PRTG: variants seen among roughly 807,000 people sequenced by gnomAD.
PRTG encodes immunoglobulin superfamily, DCC subclass, member 5.
In PRTG, 67 loss-of-function variants were observed where a neutral mutation model predicts 122.5. The observed-to-expected ratio is 0.55, with a 90% CI of 0.45 to 0.67. The LOEUF (loss-of-function observed/expected upper bound fraction) is 0.67. PRTG is among the 30% of genes least tolerant of loss of function. The pLI, the probability that PRTG is intolerant of heterozygous loss-of-function variation, is 0.00. For synonymous variants in PRTG, 554 were observed against 501.1 expected (o/e 1.11, Z -1.41); for missense variants, 1,435 against 1,415.4 (o/e 1.01, Z -0.22).
intron 3 of PRTG, 47 bp from the exon 4 acceptor site, chr15:55,682,544 T>TTTTTTTTTTTTTTTTATTTA (rs375857024): frequency 2.2e-6 from 1 of 457,538 alleles, no homozygotes; most frequent in African/African-American, 2.2e-5. Context: ...AGATTTCATA[T>TTTTTTTTTTTTTTTTATTTA]TTTATTTATT....
chr15:55,656,262 C>T, intron 11 of PRTG: 2 of 444,044 alleles, frequency 4.5e-6, no homozygotes, highest in Admixed American at 2.5e-5. Context: ...TGCTCTTTTC[C>T]TGTCTTCTCC....
At chr15:55,659,533 T>C (rs1358207050) in intron 11 of PRTG, among the ~76,000 whole-genome samples, 1 of 152,214 alleles carries the variant, frequency 6.6e-6, no homozygotes, top group African/African-American at 2.4e-5. Context: ...CAAATGCTTT[T>C]ACCTCATAAC....
At position 55,612,705 on chromosome 15, in the gene PRTG, T is replaced by C. The variant is rs1304301819; in HGVS notation, c.*7307A>G. 1.5e-4 allele frequency: 1 copy of C among 6,730 alleles called. No homozygotes were observed. The highest frequency in any genetic ancestry group is 1.2e-3 in the Non-Finnish European group (1 of 862). The allele number at this position is 6,730 out of a possible 1,614,324, so 0.4% of individuals were successfully genotyped here. A position where few individuals can be genotyped will look rare whatever the true frequency, so the allele number is the denominator to read the frequency against. On this transcript the variant is annotated 3_prime_UTR_variant, in exon 20 of 20. Coordinates refer to ENST00000389286, the MANE Select transcript of PRTG (RefSeq NM_173814.6). The stretch of plus-strand genomic sequence containing the variant: ...TTAACTCTTTAAAAGCCAATATATA[T>C]ATATATATATATATATATATATATA...
chr15:55,714,349 C>T (rs1368460322), intron 2 of PRTG, among the ~76,000 whole-genome samples: 1 of 151,982 alleles, frequency 6.6e-6, no homozygotes, highest in Non-Finnish European at 1.5e-5. Context: ...ATCTCAGTCT[C>T]CCGGGTAGCT....
At chr15:55,682,604 G>A in intron 3 of PRTG, 107 bp from the exon 4 acceptor site, 1 of 450,564 alleles carries the variant, frequency 2.2e-6, no homozygotes, top group Non-Finnish European at 3.1e-6. Context: ...CACTCTTGTT[G>A]CCCCGGCTGG....
chr15:55,678,577 G>GAAAAC (rs761409713), intron 7 of PRTG, among the ~76,000 whole-genome samples: 3 of 152,042 alleles, frequency 2.0e-5, no homozygotes, highest in East Asian at 1.9e-4. Context: ...AAAAGTTACT[G>GAAAAC]AAAACAAAAC....
At chr15:55,714,280 A>C (rs2030515388) in intron 2 of PRTG, among the ~76,000 whole-genome samples, 1 of 149,538 alleles carries the variant, frequency 6.7e-6, no homozygotes, top group Non-Finnish European at 1.5e-5. Flanking sequence ...GCTGGAGTGC[A>C]GTGGTGATAC....
intron 2 of PRTG, among the ~76,000 whole-genome samples, chr15:55,719,632 G>A (rs2030733401): frequency 6.6e-6 from 1 of 152,130 alleles, no homozygotes; most frequent in South Asian, 2.1e-4. Context: ...TCAGGAAAAT[G>A]TAAAAAGGTA....
intron 11 of PRTG, among the ~76,000 whole-genome samples, chr15:55,647,906 G>T (rs1056578692): frequency 1.3e-5 from 2 of 152,180 alleles, no homozygotes; most frequent in Non-Finnish European, 2.9e-5. Flanking sequence ...GCAGACAAAG[G>T]TTCCCAAGTG....
At chr15:55,682,557 T>TTTATTTATTTAATTAA (rs2141816933) in intron 3 of PRTG, 60 bp from the exon 4 acceptor site, 2 of 568,714 alleles carry the variant, frequency 3.5e-6, no homozygotes, top group East Asian at 9.7e-5. Flanking sequence ...TATTTATTTA[T>TTTATTTATTTAATTAA]TTATTTATTT....
Position 55,637,323 on chromosome 15 carries a change from C to G in PRTG, c.2470G>C (p.Val824Leu), listed in dbSNP as rs371729881. The change falls in exon 15 of 20, where the codon GTT becomes CTT. Residue 824 changes from valine (V) to leucine (L), a missense_variant. Transcript: ENST00000389286. ...TLPEAPAGPP[V>L]GVKVTLIEDD... ...TCTATTAATGTCACTTTTACTCCAA[C>G]TGGTGGGCCTGCTGGTGCTGTGCAG... The G allele has an allele frequency of 1.4e-5, 23 of 1,612,108 alleles. No individual in the cohort carries two copies. Among genetic ancestry groups the G allele is most frequent in the Non-Finnish European group, 2.0e-5 (23 of 1,179,346 alleles).
intron 17 of PRTG, among the ~76,000 whole-genome samples, chr15:55,626,101 G>C (rs1313063617): frequency 6.6e-6 from 1 of 152,088 alleles, no homozygotes; most frequent in African/African-American, 2.4e-5. Flanking sequence ...TATTCTTTCT[G>C]TTTCTCAAAA....
At position 55,742,857 on chromosome 15, in the gene PRTG, C is replaced by A. The variant is rs1567124422; in HGVS notation, c.75G>T (p.Leu25=). The change falls in exon 1 of 20, where the codon CTG becomes CTT. Residue 25 remains leucine, a synonymous_variant. Coordinates refer to ENST00000389286, the MANE Select transcript of PRTG (RefSeq NM_173814.6). The part of the protein sequence containing the change: ...GMLLRALLLL[L]LLSPLPGVWC... Reference sequence around the variant, plus strand: ...GCCCACCTGGCAAAGGACTGAGCAGCAGCAGGAGCAGGAGCGCGCGGAGCA... The same window carrying A: ...GCCCACCTGGCAAAGGACTGAGCAGAAGCAGGAGCAGGAGCGCGCGGAGCA... 1 of 1,539,612 alleles carries A rather than the reference C, an allele frequency of 6.5e-7. No homozygotes were observed. The highest frequency in any genetic ancestry group is 2.5e-5 in the East Asian group (1 of 39,364).
chr15:55,723,752 C>CTTTTTTTTTTTTTT (rs769469226), intron 2 of PRTG, among the ~76,000 whole-genome samples: 6 of 127,094 alleles, frequency 4.7e-5, no homozygotes, highest in Non-Finnish European at 8.0e-5. Context: ...TTTCTTTTTT[C>CTTTTTTTTTTTTTT]TTTTTTTTTT....
At chr15:55,679,641 C>T in intron 6 of PRTG, 196 bp from the exon 7 acceptor site, 1 of 510,308 alleles carries the variant, frequency 2.0e-6, no homozygotes, top group Non-Finnish European at 3.5e-6. Flanking sequence ...TCCATGATTT[C>T]CCTATTCAGA....
intron 11 of PRTG, among the ~76,000 whole-genome samples, chr15:55,649,588 C>G (rs2141752995): frequency 6.6e-6 from 1 of 152,128 alleles, no homozygotes; most frequent in East Asian, 1.9e-4. Flanking sequence ...AGTTAGAGAC[C>G]AGCCTAGCTA....
intron 11 of PRTG, among the ~76,000 whole-genome samples, chr15:55,646,148 A>G (rs2141747036): frequency 6.7e-6 from 1 of 149,280 alleles, no homozygotes; most frequent in South Asian, 2.1e-4. Context: ...CTGGGAGTAC[A>G]GGCATGCACC....
intron 2 of PRTG, among the ~76,000 whole-genome samples, chr15:55,729,424 G>A (rs1192047997): frequency 6.6e-6 from 1 of 151,852 alleles, no homozygotes; most frequent in Non-Finnish European, 1.5e-5. Context: ...AAATTTTCTG[G>A]AATTAGACAG....
At chr15:55,685,674 T>G (rs2059566432) in intron 2 of PRTG, among the ~76,000 whole-genome samples, 1 of 152,214 alleles carries the variant, frequency 6.6e-6, no homozygotes, top group Admixed American at 6.5e-5. Flanking sequence ...TAATATGTGA[T>G]GCATAAATGT....
Sources: allele counts gnomAD v4.1 joint callset (sites outside exome capture counted in the v4.1 genomes callset), GRCh38; gene constraint gnomAD v4.1.1; transcripts MANE v1.5; gene names NCBI Gene and HGNC (gene_info 2026-07-23, HGNC 2026-07-21).